CSRNP3: variants seen among roughly 807,000 people sequenced by gnomAD.
CSRNP3 encodes cysteine/serine-rich nuclear protein 3.
Under a neutral mutation model 48.0 loss-of-function variants are expected in CSRNP3, and 12 were observed. The observed-to-expected ratio is 0.25, with a 90% CI of 0.16 to 0.41. CSRNP3 has a LOEUF of 0.41. Among genes scored for constraint, CSRNP3 ranks in the 10% least tolerant of loss-of-function variants. CSRNP3 has a pLI of 1.00. For synonymous variants in CSRNP3, 263 were observed against 269.7 expected (o/e 0.98, Z 0.24); for missense variants, 580 against 724.4 (o/e 0.80, Z 2.29).
chr2:165,482,216 A>T (rs1039117651), intron 1 of CSRNP3, among the ~76,000 whole-genome samples: 1 of 152,074 alleles, frequency 6.6e-6, no homozygotes, highest in African/African-American at 2.4e-5. Flanking sequence ...AAATGGTGAA[A>T]CTGGGTTTTG....
intron 3 of CSRNP3, among the ~76,000 whole-genome samples, chr2:165,573,825 G>A (rs1685407002): frequency 6.6e-6 from 1 of 151,948 alleles, no homozygotes; most frequent in Admixed American, 6.6e-5. Flanking sequence ...CTGATTATAC[G>A]TGCAATATGT....
At chr2:165,586,369 C>T (rs1186288312) in intron 3 of CSRNP3, among the ~76,000 whole-genome samples, 4 of 152,092 alleles carry the variant, frequency 2.6e-5, no homozygotes, top group Non-Finnish European at 5.9e-5. Context: ...TGGTTAATTG[C>T]ACAGTCATTT....
At chr2:165,545,631 G>A (rs191431520) in intron 3 of CSRNP3, among the ~76,000 whole-genome samples, 4 of 152,202 alleles carry the variant, frequency 2.6e-5, no homozygotes, top group African/African-American at 4.8e-5. Flanking sequence ...GGGCCATGGG[G>A]ATGTGGGCCA....
chr2:165,592,606 C>T (rs944785317), intron 3 of CSRNP3, among the ~76,000 whole-genome samples: 1 of 152,024 alleles, frequency 6.6e-6, no homozygotes, highest in Non-Finnish European at 1.5e-5. Context: ...GGGGCAGTTA[C>T]CCTCATGCTG....
At position 165,679,105 on chromosome 2, in the gene CSRNP3, C is replaced by G. The variant is rs61747278; in HGVS notation, c.1110C>G (p.Asp370Glu). Residue 370 changes from aspartate to glutamate, a missense_variant, in exon 7 of 7, where the codon GAC becomes GAG. Transcript: ENST00000651982. ...STQSLAPSES[D>E]EEEEEEEEEE... ...AAAGCTTGGCACCTAGTGAGTCAGA[C>G]GAGGAGGAGGAGGAAGAAGAAGAGG... 0.02 allele frequency: 32,117 copies of G among 1,612,230 alleles called. 386 individuals are homozygous for G. Among genetic ancestry groups the G allele is most frequent in the Middle Eastern group, 0.044 (265 of 6,060 alleles).
intron 3 of CSRNP3, among the ~76,000 whole-genome samples, chr2:165,553,154 A>G (rs1235856142): frequency 1.3e-5 from 2 of 152,070 alleles, no homozygotes; most frequent in South Asian, 2.1e-4. Flanking sequence ...AATTATCTCA[A>G]TCTCAAGCAG....
chr2:165,563,017 A>G (rs1162360758), intron 3 of CSRNP3, among the ~76,000 whole-genome samples: 3 of 152,156 alleles, frequency 2.0e-5, no homozygotes, highest in African/African-American at 7.2e-5. Context: ...TATGAACATT[A>G]CTGCTGTGCT....
intron 2 of CSRNP3, among the ~76,000 whole-genome samples, chr2:165,507,968 C>T (rs1206846086): frequency 3.3e-5 from 5 of 151,992 alleles, no homozygotes; most frequent in South Asian, 2.1e-4. Context: ...GGACAAAAAT[C>T]GCATGGTTTC....
chr2:165,535,771 A>G (rs868225160), intron 3 of CSRNP3, among the ~76,000 whole-genome samples: 1 of 151,864 alleles, frequency 6.6e-6, no homozygotes, highest in Admixed American at 6.6e-5. Flanking sequence ...TCAATAGCAA[A>G]CATATTGAGA....
At chr2:165,487,796 T>C (rs1684142826) in intron 1 of CSRNP3, among the ~76,000 whole-genome samples, 2 of 150,330 alleles carry the variant, frequency 1.3e-5, no homozygotes, top group Middle Eastern at 3.2e-3. Flanking sequence ...CTGAAGGAAG[T>C]GCTAAACATG....
intron 3 of CSRNP3, among the ~76,000 whole-genome samples, chr2:165,563,089 A>G (rs1685254738): frequency 6.6e-6 from 1 of 152,308 alleles, no homozygotes; most frequent in Non-Finnish European, 1.5e-5. Flanking sequence ...TTTATTGGGC[A>G]ATACAAATTA....
intron 1 of CSRNP3, among the ~76,000 whole-genome samples, chr2:165,490,135 G>A (rs1427862836): frequency 1.4e-5 from 2 of 147,986 alleles, no homozygotes; most frequent in Non-Finnish European, 3.0e-5. Flanking sequence ...AAAATCACAA[G>A]CATTCTTATA....
At chr2:165,516,613 C>A (rs1355997) in intron 2 of CSRNP3, among the ~76,000 whole-genome samples, 26,796 of 151,824 alleles carry the variant, frequency 0.18, 2,547 homozygotes, top group Non-Finnish European at 0.2. Flanking sequence ...ACCTAAAAAT[C>A]ATTAAAAATA....
chr2:165,475,237 G>A (rs535971993), intron 1 of CSRNP3, among the ~76,000 whole-genome samples: 4 of 152,078 alleles, frequency 2.6e-5, no homozygotes, highest in South Asian at 2.1e-4. Context: ...TTCCCTTCTC[G>A]TTGCTCATGA....
intron 3 of CSRNP3, among the ~76,000 whole-genome samples, chr2:165,555,147 C>G (rs750683814): frequency 6.6e-6 from 1 of 152,136 alleles, no homozygotes; most frequent in East Asian, 1.9e-4. Context: ...GCTTACCACC[C>G]CCTCCAACAC....
intron 5 of CSRNP3, among the ~76,000 whole-genome samples, chr2:165,673,535 T>C (rs1471175813): frequency 1.3e-5 from 2 of 152,170 alleles, no homozygotes; most frequent in Non-Finnish European, 2.9e-5. Flanking sequence ...AGGGCACTTA[T>C]ATTTGGAGTA....
intron 4 of CSRNP3, among the ~76,000 whole-genome samples, chr2:165,611,589 T>A (rs958459570): frequency 6.6e-6 from 1 of 152,092 alleles, no homozygotes; most frequent in South Asian, 2.1e-4. Flanking sequence ...GTAAAAAAAA[T>A]GTGAGCTTTA....
At chr2:165,506,172 T>G (rs959396475) in intron 2 of CSRNP3, among the ~76,000 whole-genome samples, 1 of 152,204 alleles carries the variant, frequency 6.6e-6, no homozygotes, top group Non-Finnish European at 1.5e-5. Context: ...TGTGTACTTA[T>G]AGACATACAT....
chr2:165,611,274 CAAGT>C (rs1197554541), intron 4 of CSRNP3, among the ~76,000 whole-genome samples: 1 of 151,712 alleles, frequency 6.6e-6, no homozygotes, highest in Non-Finnish European at 1.5e-5. Flanking sequence ...AGACAGCAAG[CAAGT>C]GAGGGATAAA....
Sources: gnomAD v4.1 joint callset for allele counts (sites outside exome capture counted in the v4.1 genomes callset) on GRCh38, gnomAD v4.1.1 for gene constraint, MANE v1.5 for transcripts, NCBI Gene and HGNC (gene_info 2026-07-23, HGNC 2026-07-21) for gene names.